The following FBXL2 variants were observed in gnomAD, a reference collection of about 807,000 sequenced individuals.
FBXL2 encodes F-box/LRR-repeat protein 2.
Under a neutral mutation model 69.2 loss-of-function variants are expected in FBXL2, and 38 were observed. The ratio of observed to expected loss-of-function variants is 0.55; its 90% CI spans 0.42 to 0.72. The LOEUF (loss-of-function observed/expected upper bound fraction) is 0.72. Among genes scored for constraint, FBXL2 ranks in the 30% least tolerant of loss-of-function variants. The pLI, the probability that FBXL2 is intolerant of heterozygous loss-of-function variation, is 0.00. For synonymous variants in FBXL2, 192 were observed against 201.3 expected, an observed-to-expected ratio of 0.95 and a Z score of 0.39; for missense variants, 354 against 520.3, an observed-to-expected ratio of 0.68 and a Z score of 3.11.
chr3:33,397,384 G>C (rs750619763), intron 12 of FBXL2: 35 of 324,640 alleles, frequency 1.1e-4, no homozygotes, highest in Middle Eastern at 8.1e-4. Context: ...AAATCAATGA[G>C]AGCAGGGCCT....
rs1181759749 is a variant in FBXL2 at position 33,388,065 on chromosome 3, G to A, written c.*2457G>A. On this transcript the variant is annotated 3_prime_UTR_variant, in exon 15 of 15. Transcript: ENST00000484457. ...AGCCTGGGTGACAGAGCCAGACTCC[G>A]TCTCAAAAAAAAAAAAAAAAAAGAA... The A allele has an allele frequency of 4.9e-5, 5 of 101,694 alleles. No homozygotes were observed. Among genetic ancestry groups the A allele is most frequent in the East Asian group, 3.3e-4 (1 of 2,988 alleles). The allele number at this position is 101,694 out of a possible 1,614,324, so 6.3% of individuals were successfully genotyped here. A position where few individuals can be genotyped will look rare whatever the true frequency, so the allele number is the denominator to read the frequency against.
chr3:33,399,682 G>C (rs1042934454), intron 12 of FBXL2, among the ~76,000 whole-genome samples: 11 of 152,192 alleles, frequency 7.2e-5, no homozygotes, highest in African/African-American at 2.7e-4. Flanking sequence ...CGAAGGGGTA[G>C]CAGGAGGGAG....
chr3:33,307,644 G>T (rs1225578359), intron 2 of FBXL2, among the ~76,000 whole-genome samples: 5 of 151,682 alleles, frequency 3.3e-5, no homozygotes, highest in African/African-American at 1.2e-4. Context: ...AGGGTAAACG[G>T]GCATCATGTC....
At chr3:33,421,620 C>T in the FBXL2 span, among the ~76,000 whole-genome samples, 1 of 152,200 alleles carries the variant, frequency 6.6e-6, no homozygotes, top group African/African-American at 2.4e-5. Context: ...TCAAAAAGAA[C>T]TCAAAAAATG....
At position 33,277,477 on chromosome 3, in the gene FBXL2, A is replaced by C. The variant is rs1488540531; in HGVS notation, c.-36A>C. 2 of 1,285,638 alleles carry C rather than the reference A, an allele frequency of 1.6e-6. No individual in the cohort carries two copies. Among genetic ancestry groups the C allele is most frequent in the Non-Finnish European group, 2.0e-6 (2 of 1,009,198 alleles). 79.6% of individuals were successfully genotyped at this position (1,285,638 alleles called of 1,614,324 possible). Reference sequence around the variant, plus strand: ...CAACGGGCGTCGCCGGCGCCGTGTGACTTCGGGCTGTGGGCTCGCTCGCGG... The same window carrying C: ...CAACGGGCGTCGCCGGCGCCGTGTGCCTTCGGGCTGTGGGCTCGCTCGCGG... On this transcript the variant is annotated 5_prime_UTR_variant, in exon 1 of 15. Transcript: ENST00000484457.
At chr3:33,412,714 G>A in the FBXL2 span, 1 of 1,574,392 alleles carries the variant, frequency 6.4e-7, no homozygotes, top group Non-Finnish European at 8.7e-7. Flanking sequence ...TTTGATCACT[G>A]CCTGTACCTA....
At chr3:33,373,041 A>T in intron 5 of FBXL2, 51 bp from the exon 6 acceptor site, 4 of 1,501,652 alleles carry the variant, frequency 2.7e-6, no homozygotes, top group Non-Finnish European at 3.7e-6. Context: ...TATGCCCTCT[A>T]GTGGCTGTCC....
chr3:33,409,426 A>G, the FBXL2 span: 1 of 1,613,972 alleles, frequency 6.2e-7, no homozygotes, highest in East Asian at 2.2e-5. Context: ...TTAATTACAG[A>G]AAACCCGGGT....
chr3:33,380,326 G>A (rs1244493193), intron 13 of FBXL2, among the ~76,000 whole-genome samples: 4 of 152,028 alleles, frequency 2.6e-5, no homozygotes, highest in Non-Finnish European at 2.9e-5. Flanking sequence ...GGAGGCCGAG[G>A]CAGGCAGATT....
At chr3:33,407,786 A>C (rs1376319808), downstream of FBXL2, among the ~76,000 whole-genome samples, 2 of 152,252 alleles carry the variant, frequency 1.3e-5, no homozygotes. Context: ...TTAATAGTGC[A>C]AAGACTGCAA....
intron 2 of FBXL2, among the ~76,000 whole-genome samples, chr3:33,336,095 T>C (rs1431977962): frequency 6.6e-6 from 1 of 152,194 alleles, no homozygotes; most frequent in East Asian, 1.9e-4. Flanking sequence ...GGTAAACTGT[T>C]TCTAAATGTT....
At chr3:33,382,558 T>C (rs548750886) in intron 13 of FBXL2, 4 of 152,248 alleles carry the variant, frequency 2.6e-5, no homozygotes, top group Admixed American at 6.5e-5. Flanking sequence ...CACTGCTTTA[T>C]AGAATGGGTA....
At chr3:33,308,724 A>G (rs765155450) in intron 2 of FBXL2, among the ~76,000 whole-genome samples, 2 of 152,090 alleles carry the variant, frequency 1.3e-5, no homozygotes, top group Non-Finnish European at 2.9e-5. Flanking sequence ...GTTTAATGCT[A>G]TATTATAATA....
chr3:33,416,899 T>TCAAAATG, the FBXL2 span: 1 of 1,325,816 alleles, frequency 7.5e-7, no homozygotes, highest in Non-Finnish European at 1.1e-6. Context: ...TTAACATAAT[T>TCAAAATG]CAAAATGCAT....
At chr3:33,377,460 C>T (rs1277783565) in intron 11 of FBXL2, 127 bp downstream of exon 11, 2 of 865,536 alleles carry the variant, frequency 2.3e-6, no homozygotes, top group East Asian at 2.5e-5. Context: ...AGAGTAGAAC[C>T]CTTGGGGTGT....
At chr3:33,314,473 G>T (rs1045102988) in intron 2 of FBXL2, among the ~76,000 whole-genome samples, 3 of 152,126 alleles carry the variant, frequency 2.0e-5, no homozygotes, top group African/African-American at 7.2e-5. Context: ...GTTCATCCAT[G>T]TTGTCACAAA....
intron 10 of FBXL2, 32 bp downstream of exon 10, chr3:33,375,450 C>CAG (rs749992276): frequency 6.2e-7 from 1 of 1,601,892 alleles, no homozygotes; most frequent in African/African-American, 1.3e-5. Context: ...CTTTGCAGCT[C>CAG]AGAGTTTGGC....
intron 1 of FBXL2, among the ~76,000 whole-genome samples, chr3:33,292,377 TCAAA>T (rs1379584425): frequency 2.0e-5 from 3 of 152,082 alleles, no homozygotes; most frequent in Admixed American, 6.6e-5. Context: ...ATCCTCTGTC[TCAAA>T]CAAACAAACA....
intron 13 of FBXL2, among the ~76,000 whole-genome samples, chr3:33,379,634 A>G (rs2042889627): frequency 1.3e-5 from 2 of 151,242 alleles, no homozygotes; most frequent in Admixed American, 1.3e-4. Flanking sequence ...TTTTTTTTTT[A>G]ATGAGGCCAG....
Sources: gnomAD v4.1 joint callset for allele counts (sites outside exome capture counted in the v4.1 genomes callset) on GRCh38, gnomAD v4.1.1 for gene constraint, MANE v1.5 for transcripts, NCBI Gene and HGNC (gene_info 2026-07-23, HGNC 2026-07-21) for gene names.